CDH18: variants seen among roughly 807,000 people sequenced by gnomAD.
CDH18 encodes the protein cadherin-18.
CDH18 carries 31 observed loss-of-function variants against 67.9 expected under a neutral mutation model. The observed-to-expected ratio is 0.46, with a 90% CI of 0.34 to 0.62. The LOEUF (loss-of-function observed/expected upper bound fraction) is 0.62, where lower values mean the gene tolerates loss of function less well. Ranked by LOEUF, CDH18 falls within the 20% of genes least tolerant of loss-of-function variation. CDH18 has a pLI of 0.01. For synonymous variants in CDH18, 362 were observed against 347.2 expected, an observed-to-expected ratio of 1.04 and a Z score of -0.48; for missense variants, 890 against 975.5, an observed-to-expected ratio of 0.91 and a Z score of 1.17.
intron 1 of CDH18, among the ~76,000 whole-genome samples, chr5:20,388,516 C>A (rs960379155): frequency 6.6e-6 from 1 of 152,052 alleles, no homozygotes; most frequent in Non-Finnish European, 1.5e-5. Flanking sequence ...TTTCAAAAAA[C>A]CAGCTCCTAG....
At chr5:20,123,644 T>G (rs1175263506) in intron 2 of CDH18, among the ~76,000 whole-genome samples, 1 of 152,064 alleles carries the variant, frequency 6.6e-6, no homozygotes, top group Non-Finnish European at 1.5e-5. Context: ...TCCCAGCACT[T>G]TGGGACGCCG....
intron 2 of CDH18, among the ~76,000 whole-genome samples, chr5:20,037,901 C>G (rs1365657486): frequency 6.6e-6 from 1 of 151,890 alleles, no homozygotes; most frequent in Non-Finnish European, 1.5e-5. Context: ...TTCAAAAAAT[C>G]AATGAATCCA....
At chr5:20,399,764 A>G (rs927931562) in intron 1 of CDH18, among the ~76,000 whole-genome samples, 6 of 152,206 alleles carry the variant, frequency 3.9e-5, no homozygotes, top group Non-Finnish European at 1.5e-5. Context: ...TTATAGGCTT[A>G]CTCAGTATCT....
At chr5:20,169,264 A>G (rs1280590295) in intron 2 of CDH18, among the ~76,000 whole-genome samples, 1 of 152,106 alleles carries the variant, frequency 6.6e-6, no homozygotes, top group East Asian at 1.9e-4. Flanking sequence ...ATATACACCT[A>G]TTATGTACCC....
At chr5:19,629,434 A>C (rs1752078440) in intron 5 of CDH18, among the ~76,000 whole-genome samples, 1 of 152,212 alleles carries the variant, frequency 6.6e-6, no homozygotes, top group Non-Finnish European at 1.5e-5. Flanking sequence ...AAAAAAGATG[A>C]AAATGAACTC....
intron 1 of CDH18, among the ~76,000 whole-genome samples, chr5:20,467,241 A>C (rs1421801011): frequency 6.6e-6 from 1 of 152,086 alleles, no homozygotes; most frequent in African/African-American, 2.4e-5. Context: ...TAAAAGATTA[A>C]AGAGTGGTAA....
rs768406293 is a variant in CDH18 at position 19,662,950 on chromosome 5, TA to T, written c.644-50350del. ...AACAAAGGTGACTGAATAAATTGGT[TA>T]GAAAAGTTTAGGAGAATAAATATGC... On this transcript the variant is annotated intron_variant, in intron 5 of 12. Coordinates refer to ENST00000382275, the MANE Select transcript of CDH18 (RefSeq NM_004934.5). Among the ~76,000 whole-genome samples, 11 of 152,136 alleles carry T rather than the reference TA, an allele frequency of 7.2e-5. No individual in the cohort carries two copies. In the East Asian group the frequency reaches 1.5e-3, roughly 21 times the overall value.
At chr5:20,501,112 G>A (rs1050911475) in intron 1 of CDH18, among the ~76,000 whole-genome samples, 15 of 152,102 alleles carry the variant, frequency 9.9e-5, no homozygotes, top group Non-Finnish European at 1.9e-4. Context: ...TGTCAATTCT[G>A]TCAACAACTA....
chr5:20,565,611 T>C (rs1758457066), intron 1 of CDH18, among the ~76,000 whole-genome samples: 1 of 152,034 alleles, frequency 6.6e-6, no homozygotes, highest in Non-Finnish European at 1.5e-5. Context: ...CTTTACTTAT[T>C]TCTTAGTGCT....
intron 2 of CDH18, among the ~76,000 whole-genome samples, chr5:19,933,989 T>G (rs1292741936): frequency 6.6e-6 from 1 of 151,456 alleles, no homozygotes; most frequent in Non-Finnish European, 1.5e-5. Context: ...GCTACTTGGA[T>G]GTCTAAGAGC....
chr5:20,094,243 A>ACTATTAGAGAATAGTT (rs1163845566), intron 2 of CDH18, among the ~76,000 whole-genome samples: 3 of 152,174 alleles, frequency 2.0e-5, no homozygotes, highest in African/African-American at 7.2e-5. Flanking sequence ...ATAGGTTAGT[A>ACTATTAGAGAATAGTT]AATACTCACT....
intron 12 of CDH18, among the ~76,000 whole-genome samples, chr5:19,477,201 T>C (rs1431090367): frequency 6.6e-6 from 1 of 150,784 alleles, no homozygotes. Context: ...AAAGGGGATG[T>C]TGTTCATAAT....
At chr5:20,481,009 T>C (rs1194195914) in intron 1 of CDH18, among the ~76,000 whole-genome samples, 1 of 151,818 alleles carries the variant, frequency 6.6e-6, no homozygotes, top group Admixed American at 6.6e-5. Flanking sequence ...TAGCATTGGA[T>C]GTAAATGGAC....
chr5:20,438,426 T>C (rs969962832), intron 1 of CDH18, among the ~76,000 whole-genome samples: 1 of 151,416 alleles, frequency 6.6e-6, no homozygotes, highest in Non-Finnish European at 1.5e-5. Flanking sequence ...TCTGCAAAGA[T>C]AGGTCTAGTT....
At chr5:20,443,495 T>TA (rs1373438985) in intron 1 of CDH18, among the ~76,000 whole-genome samples, 2 of 151,780 alleles carry the variant, frequency 1.3e-5, no homozygotes, top group African/African-American at 4.9e-5. Flanking sequence ...CCCAGCATTT[T>TA]AATTTGTTTT....
chr5:19,540,642 C>T (rs1428550877), intron 9 of CDH18, among the ~76,000 whole-genome samples: 1 of 152,178 alleles, frequency 6.6e-6, no homozygotes, highest in Non-Finnish European at 1.5e-5. Flanking sequence ...TCAGGCTCAA[C>T]ACCATGTGGA....
chr5:20,211,202 GA>G (rs1311929562), intron 2 of CDH18, among the ~76,000 whole-genome samples: 2 of 152,108 alleles, frequency 1.3e-5, no homozygotes, highest in African/African-American at 4.8e-5. Flanking sequence ...TGTGTAATGG[GA>G]GAGGGGCGTC....
At chr5:19,546,032 G>A (rs1400691739) in intron 8 of CDH18, among the ~76,000 whole-genome samples, 2 of 152,194 alleles carry the variant, frequency 1.3e-5, no homozygotes, top group Admixed American at 6.5e-5. Context: ...AAACTGGGAA[G>A]GGGAGTGGCA....
chr5:20,513,353 G>A (rs1755162050), intron 1 of CDH18, among the ~76,000 whole-genome samples: 1 of 152,066 alleles, frequency 6.6e-6, no homozygotes, highest in African/African-American at 2.4e-5. Context: ...TCTCTTAATT[G>A]TCATTACAAG....
Sources: allele counts gnomAD v4.1 joint callset (sites outside exome capture counted in the v4.1 genomes callset), GRCh38; gene constraint gnomAD v4.1.1; transcripts MANE v1.5; gene names NCBI Gene and HGNC (gene_info 2026-07-23, HGNC 2026-07-21).